TMEM170B: variants seen among roughly 807,000 people sequenced by gnomAD.
TMEM170B encodes the protein transmembrane protein 170B.
In TMEM170B, 6 loss-of-function variants were observed where a neutral mutation model predicts 13.0. The observed-to-expected ratio is 0.46, with a 90% CI of 0.25 to 0.91. The LOEUF is 0.91. TMEM170B is among the 40% of genes least tolerant of loss of function. The pLI is 0.17. For synonymous variants in TMEM170B, 61 were observed against 64.9 expected (o/e 0.94, Z 0.29); for missense variants, 138 against 165.2 (o/e 0.84, Z 0.90).
intron 1 of TMEM170B, among the ~76,000 whole-genome samples, chr6:11,550,846 A>G (rs1055329269): frequency 5.9e-5 from 9 of 152,232 alleles, no homozygotes; most frequent in South Asian, 2.1e-4. Flanking sequence ...TAACTTTACC[A>G]TGGACATGGT....
chr6:11,562,825 T>TA (rs1759686425), intron 1 of TMEM170B, among the ~76,000 whole-genome samples: 1 of 152,194 alleles, frequency 6.6e-6, no homozygotes, highest in Middle Eastern at 3.2e-3. Flanking sequence ...CACTTACATG[T>TA]ATATCCACCA....
chr6:11,550,262 T>C lies in TMEM170B; in HGVS notation c.97+11888T>C, dbSNP rs533659799. 3.3e-4 allele frequency among the ~76,000 whole-genome samples: 50 copies of C among 151,928 alleles called. No homozygotes were observed. In the South Asian group the frequency reaches 1.0e-2, roughly 30 times the overall value. ...GTCTTGGCTCACTGCAACCTGTGCC[T>C]CCTGAGTTCAAGCGATTCTCTTGCT... On this transcript the variant is annotated intron_variant, in intron 1 of 2. Coordinates refer to ENST00000379426, the MANE Select transcript of TMEM170B (RefSeq NM_001100829.3).
At chr6:11,565,047 T>C (rs1168924047) in intron 1 of TMEM170B, among the ~76,000 whole-genome samples, 1 of 152,136 alleles carries the variant, frequency 6.6e-6, no homozygotes, top group Non-Finnish European at 1.5e-5. Flanking sequence ...TCTCTTAAGC[T>C]GAGATGTCAG....
At chr6:11,574,478 T>C (rs1160130817) in intron 2 of TMEM170B, among the ~76,000 whole-genome samples, 3 of 152,192 alleles carry the variant, frequency 2.0e-5, no homozygotes, top group East Asian at 1.9e-4. Context: ...TCCGTCTTAA[T>C]TGTAATTGTC....
At chr6:11,554,851 T>C (rs904479652) in intron 1 of TMEM170B, among the ~76,000 whole-genome samples, 2 of 152,166 alleles carry the variant, frequency 1.3e-5, no homozygotes, top group African/African-American at 4.8e-5. Context: ...CTACAGTAGC[T>C]TTAACTTATG....
At chr6:11,562,181 C>T (rs73721761) in intron 1 of TMEM170B, among the ~76,000 whole-genome samples, 1,645 of 152,108 alleles carry the variant, frequency 0.011, 38 homozygotes, top group African/African-American at 0.036. Context: ...CCATATTCTA[C>T]TCCCTTATAT....
At chr6:11,549,162 A>G (rs983386998) in intron 1 of TMEM170B, among the ~76,000 whole-genome samples, 2 of 152,234 alleles carry the variant, frequency 1.3e-5, no homozygotes, top group Admixed American at 6.5e-5. Flanking sequence ...GAATAAGTCT[A>G]CTGATGGCTA....
At position 11,582,673 on chromosome 6, in the gene TMEM170B, G is replaced by A. The variant is rs912953019; in HGVS notation, c.*7112G>A. Reference sequence around the variant, plus strand: ...AGTGTTAGTTTTATACTGTAGTACAGGGCACACACTTTAACCTTTAGAAAT... The same window carrying A: ...AGTGTTAGTTTTATACTGTAGTACAAGGCACACACTTTAACCTTTAGAAAT... On this transcript the variant is annotated 3_prime_UTR_variant, in exon 3 of 3. Coordinates refer to ENST00000379426, the MANE Select transcript of TMEM170B (RefSeq NM_001100829.3). 2.6e-5 allele frequency: 4 copies of A among 152,104 alleles called. No individual in the cohort carries two copies. Among genetic ancestry groups the A allele is most frequent in the African/African-American group, 9.7e-5 (4 of 41,398 alleles). 9.4% of individuals were successfully genotyped at this position (152,104 alleles called of 1,614,324 possible).
In TMEM170B at chr6:11,565,741, T is replaced by A; in HGVS notation, c.173T>A (p.Phe58Tyr). 6.2e-7 allele frequency: 1 copy of A among 1,614,174 alleles called. No individual in the cohort carries two copies. Among genetic ancestry groups the A allele is most frequent in the Non-Finnish European group, 8.5e-7 (1 of 1,180,014 alleles). ...FVHGAAGVLM[F>Y]VMLQRHRQGR... is the part of the protein sequence containing the mutation. ...CATGGTGCTGCAGGAGTGTTGATGTTTGTGATGCTGCAGAGGCATAGGCAG... is the reference window on the plus strand; with the variant it reads ...CATGGTGCTGCAGGAGTGTTGATGTATGTGATGCTGCAGAGGCATAGGCAG... Residue 58 changes from phenylalanine (F) to tyrosine (Y), a missense_variant, in exon 2 of 3, where the codon TTT (phenylalanine) becomes TAT (tyrosine). Phe to Tyr is a conservative substitution (Grantham distance 22). Transcript: ENST00000379426.
chr6:11,552,619 G>A (rs1037730790), intron 1 of TMEM170B, among the ~76,000 whole-genome samples: 40 of 152,308 alleles, frequency 2.6e-4, no homozygotes, highest in African/African-American at 8.9e-4. Flanking sequence ...TTACACAATA[G>A]AGTCATACAT....
intron 2 of TMEM170B, among the ~76,000 whole-genome samples, chr6:11,573,754 T>A (rs1759837389): frequency 6.6e-6 from 1 of 152,152 alleles, no homozygotes; most frequent in South Asian, 2.1e-4. Flanking sequence ...GAGGCTAAAA[T>A]GTGGTTTTTA....
chr6:11,574,919 G>C (rs558710691), intron 2 of TMEM170B, among the ~76,000 whole-genome samples: 1 of 152,120 alleles, frequency 6.6e-6, no homozygotes, highest in South Asian at 2.1e-4. Flanking sequence ...TTGTGAGATG[G>C]ATTAGTCAGG....
intron 1 of TMEM170B, among the ~76,000 whole-genome samples, chr6:11,538,608 C>G (rs571810647): frequency 5.9e-5 from 9 of 152,330 alleles, no homozygotes; most frequent in Admixed American, 2.6e-4. Context: ...ACCCCCGCTC[C>G]TGCCCCGCAC....
intron 1 of TMEM170B, among the ~76,000 whole-genome samples, chr6:11,541,204 G>A (rs1482927579): frequency 1.3e-5 from 2 of 152,178 alleles, no homozygotes; most frequent in African/African-American, 2.4e-5. Context: ...TTGAAGCTTG[G>A]AAGTCAGGGA....
rs572083363 is a variant in TMEM170B at position 11,571,993 on chromosome 6, C to G, written c.269-3438C>G. Among the ~76,000 whole-genome samples the G allele has an allele frequency of 3.5e-4, 53 of 152,090 alleles. 1 individual carries two copies. In the South Asian group the frequency reaches 0.011, roughly 31 times the overall value. ...TAATCAGATAGATAATATCTCTTAC[C>G]CACTAGATTGGCAAAAAAAATTAAA... On this transcript the variant is annotated intron_variant, in intron 2 of 2. Transcript: ENST00000379426.
chr6:11,538,412 C>T, intron 1 of TMEM170B, 38 bp downstream of exon 1: 1 of 1,408,406 alleles, frequency 7.1e-7, no homozygotes, highest in Non-Finnish European at 9.5e-7. Context: ...GGGATGCGGT[C>T]CGCCCCTCTC....
At chr6:11,557,086 A>G (rs1759600379) in intron 1 of TMEM170B, among the ~76,000 whole-genome samples, 1 of 152,192 alleles carries the variant, frequency 6.6e-6, no homozygotes, top group Admixed American at 6.5e-5. Flanking sequence ...GGTCTTTAAC[A>G]ATCTGTAAAA....
Position 11,564,567 on chromosome 6 carries a change from A to G in TMEM170B, c.98-1099A>G, listed in dbSNP as rs117861142. On this transcript the variant is annotated intron_variant, in intron 1 of 2. Coordinates refer to ENST00000379426, the MANE Select transcript of TMEM170B (RefSeq NM_001100829.3). ...TATTTTAGAGTCAGCTCTTTCAGGT[A>G]TAAGTGAGAGAATCCTTATCTGAAT... Among the ~76,000 whole-genome samples, 37 of 152,332 alleles carry G rather than the reference A, an allele frequency of 2.4e-4. No individual in the cohort carries two copies. In the East Asian group the frequency reaches 6.4e-3, roughly 26 times the overall value.
At chr6:11,542,475 G>A (rs759635961) in intron 1 of TMEM170B, among the ~76,000 whole-genome samples, 3 of 152,198 alleles carry the variant, frequency 2.0e-5, no homozygotes, top group South Asian at 4.2e-4. Flanking sequence ...AGGATATGCC[G>A]AACATCCCAA....
Sources: gnomAD v4.1 joint callset for allele counts (sites outside exome capture counted in the v4.1 genomes callset) on GRCh38, gnomAD v4.1.1 for gene constraint, MANE v1.5 for transcripts, NCBI Gene and HGNC (gene_info 2026-07-23, HGNC 2026-07-21) for gene names.